IQSEC3: variants seen among roughly 807,000 people sequenced by gnomAD.
IQSEC3 encodes IQ motif and Sec7 domain ArfGEF 3.
Under a neutral mutation model 105.4 loss-of-function variants are expected in IQSEC3, and 50 were observed. That is an observed-to-expected ratio of 0.47 (90% confidence interval 0.38 to 0.60). The LOEUF (loss-of-function observed/expected upper bound fraction) is 0.60, where lower values mean the gene tolerates loss of function less well. IQSEC3 is among the 20% of genes least tolerant of loss of function. The probability of loss-of-function intolerance (pLI) is 0.00; values close to 1 mark genes in which losing one functional copy is unlikely to be tolerated. For missense variants in IQSEC3, 1,415 were observed against 1,630.0 expected, an observed-to-expected ratio of 0.87 and a Z score of 2.27; for synonymous variants, 708 against 746.0, an observed-to-expected ratio of 0.95 and a Z score of 0.83.
At chr12:126,551 G>GTGTGTA (rs1415156996) in intron 3 of IQSEC3, among the ~76,000 whole-genome samples, 9 of 151,484 alleles carry the variant, frequency 5.9e-5, no homozygotes, top group Non-Finnish European at 8.8e-5. Flanking sequence ...GAAGGTGTGT[G>GTGTGTA]TGTGTGTGTG....
chr12:139,506 C>A, intron 4 of IQSEC3, 152 bp downstream of exon 4: 1 of 536,114 alleles, frequency 1.9e-6, no homozygotes, highest in Admixed American at 3.5e-5. Context: ...CGTGCCTGAT[C>A]CCTGAGGTCA....
At chr12:150,721 C>T (rs1337830138) in intron 5 of IQSEC3, among the ~76,000 whole-genome samples, 1 of 152,116 alleles carries the variant, frequency 6.6e-6, no homozygotes, top group South Asian at 2.1e-4. Flanking sequence ...GGGTTGGATG[C>T]TTGAGTGGAG....
intron 2 of IQSEC3, among the ~76,000 whole-genome samples, chr12:111,430 A>G (rs1864882666): frequency 6.6e-6 from 1 of 152,088 alleles, no homozygotes; most frequent in Non-Finnish European, 1.5e-5. Flanking sequence ...GAATGTCAGA[A>G]GGGTTCTCTT....
chr12:127,544 CCT>C (rs1865456586), intron 3 of IQSEC3, among the ~76,000 whole-genome samples: 2 of 151,754 alleles, frequency 1.3e-5, no homozygotes. Context: ...ACAAAAAACA[CCT>C]CATCAGGACA....
At position 87,968 on chromosome 12, in the gene IQSEC3, C is replaced by A. The variant is rs77989723; in HGVS notation, c.555-11178C>A. On this transcript the variant is annotated intron_variant, in intron 1 of 13. Coordinates refer to ENST00000538872, the MANE Select transcript of IQSEC3 (RefSeq NM_001170738.2). ...TAGGATTCCTCAGGAAGGATTCCCG[C>A]AGGCTTCACCGAAAGGAGGACTATG... Among the ~76,000 whole-genome samples the A allele has an allele frequency of 6.1e-3, 925 of 152,288 alleles. 8 individuals are homozygous for A. Among genetic ancestry groups the A allele is most frequent in the Non-Finnish European group, 7.4e-3 (500 of 68,012 alleles).
At chr12:156,646 G>A (rs1471224947) in intron 5 of IQSEC3, among the ~76,000 whole-genome samples, 1 of 152,218 alleles carries the variant, frequency 6.6e-6, no homozygotes, top group Non-Finnish European at 1.5e-5. Flanking sequence ...AGAAACACAG[G>A]CTCCTAGCGG....
At chr12:71,193 G>C (rs1279283635) in intron 1 of IQSEC3, among the ~76,000 whole-genome samples, 1 of 152,270 alleles carries the variant, frequency 6.6e-6, no homozygotes, top group Non-Finnish European at 1.5e-5. Flanking sequence ...ATGCTGATGG[G>C]AACTGGGATC....
chr12:105,633 G>A (rs782604899), intron 2 of IQSEC3, among the ~76,000 whole-genome samples: 2 of 152,154 alleles, frequency 1.3e-5, no homozygotes, highest in African/African-American at 4.8e-5. Flanking sequence ...GTCCTGAATC[G>A]CCAGATTCAG....
Position 141,105 on chromosome 12 carries a change from T to TCCC in IQSEC3, c.1992-17_1992-15dup. Reference sequence around the variant, plus strand: ...GCTTCAGCTCACTCTCTACTGCTTCTCCCCACCCCCACCTCCAGAAACCCC... The same window carrying TCCC: ...GCTTCAGCTCACTCTCTACTGCTTCTCCCCCCCACCCCCACCTCCAGAAACCCC... On this transcript the variant is annotated intron_variant, in intron 4 of 13. Coordinates refer to ENST00000538872, the MANE Select transcript of IQSEC3 (RefSeq NM_001170738.2). 14 of 1,577,974 alleles carry TCCC rather than the reference T, an allele frequency of 8.9e-6. No individual in the cohort carries two copies. Among genetic ancestry groups the TCCC allele is most frequent in the African/African-American group, 1.4e-5 (1 of 73,970 alleles).
intron 1 of IQSEC3, among the ~76,000 whole-genome samples, chr12:94,087 G>A (rs1260696276): frequency 7.9e-5 from 12 of 152,222 alleles, no homozygotes; most frequent in Admixed American, 7.8e-4. Context: ...ACAGATTAAA[G>A]CATTCTCCTA....
At chr12:169,467 C>G (rs782644172) in intron 12 of IQSEC3, among the ~76,000 whole-genome samples, 1 of 152,158 alleles carries the variant, frequency 6.6e-6, no homozygotes, top group Non-Finnish European at 1.5e-5. Flanking sequence ...AGAAGCCCCA[C>G]GAGGAACACT....
At chr12:74,902 C>T (rs1460293047) in intron 1 of IQSEC3, among the ~76,000 whole-genome samples, 2 of 152,274 alleles carry the variant, frequency 1.3e-5, no homozygotes, top group African/African-American at 4.8e-5. Flanking sequence ...ATTCTCTTAA[C>T]TCTTCATCCA....
At chr12:154,683 A>C (rs1866624731) in intron 5 of IQSEC3, among the ~76,000 whole-genome samples, 1 of 152,004 alleles carries the variant, frequency 6.6e-6, no homozygotes, top group African/African-American at 2.4e-5. Context: ...TGCACTTCAC[A>C]TCTTCATCTC....
At chr12:149,849 G>T (rs1555092151) in intron 5 of IQSEC3, among the ~76,000 whole-genome samples, 1 of 152,118 alleles carries the variant, frequency 6.6e-6, no homozygotes, top group Non-Finnish European at 1.5e-5. Context: ...TGCAGGGGGG[G>T]ACCATGCTGG....
intron 13 of IQSEC3, among the ~76,000 whole-genome samples, chr12:172,214 C>T (rs1555100562): frequency 6.6e-6 from 1 of 152,056 alleles, no homozygotes; most frequent in Non-Finnish European, 1.5e-5. Context: ...TGTCTTCTCT[C>T]TCCCCCATGG....
At chr12:107,128 T>G (rs1423170460) in intron 2 of IQSEC3, among the ~76,000 whole-genome samples, 2 of 152,204 alleles carry the variant, frequency 1.3e-5, no homozygotes, top group Admixed American at 1.3e-4. Context: ...AGGGACACTT[T>G]CCATAATTCC....
chr12:125,672 C>T lies in IQSEC3; in HGVS notation c.663C>T (p.Asp221=). The change falls in exon 3 of 14, where the codon GAC becomes GAT. Residue 221 remains aspartate, a synonymous_variant. Transcript: ENST00000538872. ...CCCAGGCCGGTGGGGGCATGGAGGACTCCGTGGTGGCAGCGGCGGCGGTGG... is the reference window on the plus strand; with the variant it reads ...CCCAGGCCGGTGGGGGCATGGAGGATTCCGTGGTGGCAGCGGCGGCGGTGG... The part of the protein sequence containing the change: ...SCTQAGGGME[D]SVVAAAAVAA... The T allele has an allele frequency of 1.9e-6, 3 of 1,540,508 alleles. No individual in the cohort carries two copies. The highest frequency in any genetic ancestry group is 1.7e-4 in the Middle Eastern group (1 of 5,822).
intron 1 of IQSEC3, among the ~76,000 whole-genome samples, chr12:87,572 C>T (rs1863956840): frequency 6.6e-6 from 1 of 152,160 alleles, no homozygotes; most frequent in Non-Finnish European, 1.5e-5. Context: ...AAAGGAAGCT[C>T]ACACAAGCAG....
At chr12:132,008 G>A (rs1414312885) in intron 3 of IQSEC3, among the ~76,000 whole-genome samples, 1 of 152,176 alleles carries the variant, frequency 6.6e-6, no homozygotes, top group African/African-American at 2.4e-5. Flanking sequence ...CTGGGGGAGG[G>A]AAAGGGAGGG....
Sources: allele counts gnomAD v4.1 joint callset (sites outside exome capture counted in the v4.1 genomes callset), GRCh38; gene constraint gnomAD v4.1.1; transcripts MANE v1.5; gene names NCBI Gene and HGNC (gene_info 2026-07-23, HGNC 2026-07-21).